Variants in RIMS2 observed in about 807,000 individuals in gnomAD.
The protein encoded by RIMS2 is regulating synaptic membrane exocytosis 2, also known as regulating synaptic membrane exocytosis protein 2.
In RIMS2, 59 loss-of-function variants were observed where a neutral mutation model predicts 174.4. The ratio of observed to expected loss-of-function variants is 0.34; its 90% confidence interval spans 0.27 to 0.42. The LOEUF is 0.42. Ranked by LOEUF, RIMS2 falls within the 10% of genes least tolerant of loss-of-function variation. RIMS2 has a pLI of 1.00. For missense variants in RIMS2, 1,620 were observed against 1,666.3 expected, an observed-to-expected ratio of 0.97 and a Z score of 0.48; for synonymous variants, 606 against 572.5, an observed-to-expected ratio of 1.06 and a Z score of -0.84.
At chr8:103,784,409 G>A (rs1301695159) in intron 3 of RIMS2, among the ~76,000 whole-genome samples, 13 of 148,476 alleles carry the variant, frequency 8.8e-5, no homozygotes, top group South Asian at 4.3e-4. Flanking sequence ...TAGGTGTAAC[G>A]TTTAAGTCTT....
At chr8:103,572,957 T>C (rs1345454502) in intron 1 of RIMS2, among the ~76,000 whole-genome samples, 1 of 152,228 alleles carries the variant, frequency 6.6e-6, no homozygotes, top group East Asian at 1.9e-4. Flanking sequence ...TTAGAGGTCG[T>C]AGTCATAAAT....
chr8:104,255,501 G>A (rs922290002), downstream of RIMS2: 2 of 151,978 alleles, frequency 1.3e-5, no homozygotes, highest in Non-Finnish European at 2.9e-5. Flanking sequence ...GAGCTCTTTC[G>A]GCAACTCCTG....
chr8:103,644,204 T>C (rs1234362758), intron 1 of RIMS2, among the ~76,000 whole-genome samples: 1 of 152,140 alleles, frequency 6.6e-6, no homozygotes, highest in Non-Finnish European at 1.5e-5. Context: ...CAATTAATTA[T>C]AAAGTGTTTG....
At chr8:104,104,284 G>T (rs2097982873) in intron 19 of RIMS2, among the ~76,000 whole-genome samples, 1 of 152,202 alleles carries the variant, frequency 6.6e-6, no homozygotes, top group African/African-American at 2.4e-5. Context: ...GAATAGTTCT[G>T]CAGGTTGGAG....
At chr8:104,242,679 T>G (rs757684529) in intron 19 of RIMS2, among the ~76,000 whole-genome samples, 2 of 152,244 alleles carry the variant, frequency 1.3e-5, no homozygotes, top group Non-Finnish European at 2.9e-5. Context: ...TCATATACCT[T>G]GTTACTCTAT....
intron 15 of RIMS2, among the ~76,000 whole-genome samples, chr8:103,970,846 C>CAAACAG (rs1175802413): frequency 1.3e-5 from 2 of 152,266 alleles, no homozygotes; most frequent in Non-Finnish European, 1.5e-5. Flanking sequence ...AAGCTCCTTA[C>CAAACAG]AAACAGAAAC....
intron 3 of RIMS2, among the ~76,000 whole-genome samples, chr8:103,779,737 A>T (rs116720684): frequency 8.1e-6 from 1 of 123,356 alleles, no homozygotes; most frequent in Admixed American, 1.0e-4. Flanking sequence ...GGAGCACCAC[A>T]CACTAGGGCC....
intron 1 of RIMS2, among the ~76,000 whole-genome samples, chr8:103,564,160 G>A (rs11774130): frequency 0.12 from 17,654 of 152,186 alleles, 1,364 homozygotes; most frequent in Non-Finnish European, 0.17. Flanking sequence ...GTTAAGACAT[G>A]CACTAAAGTT....
chr8:104,128,193 C>T (rs2098446981), intron 19 of RIMS2, among the ~76,000 whole-genome samples: 1 of 152,076 alleles, frequency 6.6e-6, no homozygotes, highest in South Asian at 2.1e-4. Flanking sequence ...AAATTCTTCC[C>T]AGTCACTATC....
In RIMS2 at chr8:104,100,950, T is replaced by G. The variant is rs200043901; in HGVS notation, c.3334+86335T>G. On this transcript the variant is annotated intron_variant, in intron 19 of 23. Transcript: ENST00000504942. ...ATGTGATATATTATATATTATATAG[T>G]ATATATGATATATTATATAGTATAT... Among the ~76,000 whole-genome samples, 160 of 131,116 alleles carry G rather than the reference T, an allele frequency of 1.2e-3. 1 individual carries two copies. The highest frequency in any genetic ancestry group is 7.5e-3 in the Middle Eastern group (2 of 266). 86.0% of individuals were successfully genotyped at this position (131,116 alleles called of 152,430 possible). A position where few individuals can be genotyped will look rare whatever the true frequency, so the allele number is the denominator to read the frequency against.
chr8:104,172,805 C>A (rs2098839893), intron 19 of RIMS2, among the ~76,000 whole-genome samples: 1 of 152,168 alleles, frequency 6.6e-6, no homozygotes, highest in Non-Finnish European at 1.5e-5. Context: ...TCCCAAACAT[C>A]TTCTTGGATA....
intron 1 of RIMS2, among the ~76,000 whole-genome samples, chr8:103,574,528 T>C (rs1204238302): frequency 6.6e-6 from 1 of 152,246 alleles, no homozygotes; most frequent in Non-Finnish European, 1.5e-5. Context: ...TCCTCTGATA[T>C]GGAGCTATTC....
intron 2 of RIMS2, among the ~76,000 whole-genome samples, chr8:103,711,105 T>C (rs2097297748): frequency 6.6e-6 from 1 of 152,218 alleles, no homozygotes; most frequent in South Asian, 2.1e-4. Flanking sequence ...ACACTATCTT[T>C]TTTGTGGATC....
intron 1 of RIMS2, among the ~76,000 whole-genome samples, chr8:103,528,262 T>A (rs1469300846): frequency 1.3e-5 from 2 of 152,128 alleles, no homozygotes; most frequent in Non-Finnish European, 2.9e-5. Context: ...TGTAAATTTG[T>A]TTGAGTTCTT....
intron 2 of RIMS2, among the ~76,000 whole-genome samples, chr8:103,738,971 C>A (rs1407462378): frequency 6.6e-6 from 1 of 152,152 alleles, no homozygotes; most frequent in East Asian, 1.9e-4. Context: ...GACAGTGTGG[C>A]GATTCCTCAA....
chr8:103,610,940 A>G (rs888555748), intron 1 of RIMS2, among the ~76,000 whole-genome samples: 9 of 152,184 alleles, frequency 5.9e-5, no homozygotes, highest in Non-Finnish European at 1.0e-4. Flanking sequence ...TCAGGCGTGA[A>G]TCCTTCTGGG....
downstream of RIMS2, chr8:104,254,186 A>G (rs1296118518): frequency 2.3e-5 from 3 of 132,060 alleles, no homozygotes; most frequent in African/African-American, 9.4e-5. Context: ...ATTATGCAGT[A>G]TTTATTTAAA....
At chr8:103,547,374 T>A (rs369993739) in intron 1 of RIMS2, among the ~76,000 whole-genome samples, 42 of 152,166 alleles carry the variant, frequency 2.8e-4, no homozygotes, top group African/African-American at 9.4e-4. Flanking sequence ...AACCATGCAG[T>A]TACATGGAAA....
intron 3 of RIMS2, among the ~76,000 whole-genome samples, chr8:103,827,529 T>G (rs1465828576): frequency 2.6e-5 from 4 of 152,172 alleles, no homozygotes; most frequent in Non-Finnish European, 5.9e-5. Flanking sequence ...TGTTAAATAA[T>G]AGTTTTTAAA....
Sources: gnomAD v4.1 joint callset for allele counts (sites outside exome capture counted in the v4.1 genomes callset) on GRCh38, gnomAD v4.1.1 for gene constraint, MANE v1.5 for transcripts, NCBI Gene and HGNC (gene_info 2026-07-23, HGNC 2026-07-21) for gene names.